The following PLOD1 variants were observed in gnomAD, a reference collection of about 807,000 sequenced individuals.
PLOD1 encodes the protein procollagen-lysine,2-oxoglutarate 5-dioxygenase 1.
PLOD1 carries 70 observed loss-of-function variants against 94.7 expected under a neutral mutation model. The observed-to-expected ratio is 0.74, with a 90% CI of 0.61 to 0.90. The LOEUF is 0.90. Among genes scored for constraint, PLOD1 ranks in the 40% least tolerant of loss-of-function variants. PLOD1 has a pLI of 0.00. For synonymous variants in PLOD1, 417 were observed against 400.2 expected (o/e 1.04, Z -0.50); for missense variants, 905 against 972.7 (o/e 0.93, Z 0.93).
At chr1:11,934,925 G>A in intron 1 of PLOD1, 70 bp downstream of exon 1, 1 of 1,499,282 alleles carries the variant, frequency 6.7e-7, no homozygotes, top group Non-Finnish European at 8.9e-7. Context: ...CTGCCTCCCT[G>A]GGAACGACCT....
At chr1:11,964,857 C>A in intron 13 of PLOD1, 72 bp downstream of exon 13, 1 of 1,523,872 alleles carries the variant, frequency 6.6e-7, no homozygotes. Flanking sequence ...CCAGCTCTGA[C>A]CCTCATGGTG....
At chr1:11,936,643 C>T (rs1645581113) in intron 1 of PLOD1, among the ~76,000 whole-genome samples, 1 of 152,002 alleles carries the variant, frequency 6.6e-6, no homozygotes, top group African/African-American at 2.4e-5. Context: ...GTGCGTCAGC[C>T]TCCCAAGTAG....
chr1:11,948,807 T>A (rs1645676027), intron 2 of PLOD1, among the ~76,000 whole-genome samples: 1 of 152,048 alleles, frequency 6.6e-6, no homozygotes, highest in African/African-American at 2.4e-5. Flanking sequence ...CTTGGTGTCA[T>A]CTGTGTGCAG....
chr1:11,944,498 T>C, intron 1 of PLOD1: 1 of 1,325,000 alleles, frequency 7.5e-7, no homozygotes, highest in South Asian at 1.2e-5. Flanking sequence ...CCATGAAATG[T>C]GACACTCTTC....
At chr1:11,937,153 C>G (rs1273380361) in intron 1 of PLOD1, among the ~76,000 whole-genome samples, 2 of 152,184 alleles carry the variant, frequency 1.3e-5, no homozygotes, top group Non-Finnish European at 2.9e-5. Flanking sequence ...CGGCCAGGAA[C>G]TGCCATTTCT....
Position 11,974,724 on chromosome 1 carries a change from C to T in PLOD1, c.2100C>T (p.His700=). 6.2e-7 allele frequency: 1 copy of T among 1,613,836 alleles called. No homozygotes were observed. The highest frequency in any genetic ancestry group is 2.2e-5 in the East Asian group (1 of 44,888). ...RAPRKGWTLM[H]PGRLTHYHEG... ...CAAGGAAGGGCTGGACCCTCATGCA[C>T]CCTGGACGACTCACGCATTACCATG... Residue 700 remains histidine, a synonymous_variant, in exon 19 of 19, where the codon CAC becomes CAT. Coordinates refer to ENST00000196061, the MANE Select transcript of PLOD1 (RefSeq NM_000302.4).
chr1:11,974,622 G>C (rs1317603725), intron 18 of PLOD1, 31 bp from the exon 19 acceptor site: 6 of 1,605,096 alleles, frequency 3.7e-6, no homozygotes, highest in Non-Finnish European at 5.1e-6. Context: ...GGGGCGGTGG[G>C]GAAAGGCCAC....
At chr1:11,951,893 T>C (rs1645705638) in intron 4 of PLOD1, among the ~76,000 whole-genome samples, 2 of 152,066 alleles carry the variant, frequency 1.3e-5, no homozygotes, top group Non-Finnish European at 2.9e-5. Context: ...CACTCCAGCC[T>C]GGGCGACAGA....
At chr1:11,954,208 A>T in intron 5 of PLOD1, 1 of 195,056 alleles carries the variant, frequency 5.1e-6, no homozygotes, top group South Asian at 7.3e-5. Flanking sequence ...GGTGGCTCAC[A>T]CCTGTCATCC....
chr1:11,934,928 A>C, intron 1 of PLOD1, 73 bp downstream of exon 1: 1 of 1,496,724 alleles, frequency 6.7e-7, no homozygotes, highest in South Asian at 1.3e-5. Context: ...CCTCCCTGGG[A>C]ACGACCTGAA....
chr1:11,971,395 C>T (rs1476383121), intron 17 of PLOD1: 2 of 196,802 alleles, frequency 1.0e-5, no homozygotes, highest in African/African-American at 4.7e-5. Context: ...CACACACCCC[C>T]TCCATCTAGT....
rs370781041 is a variant in PLOD1, at chr1:11,957,059, C to T, written c.741+45C>T. 7.3e-5 allele frequency: 93 copies of T among 1,277,982 alleles called. No individual in the cohort carries two copies. The African/African-American group carries it at 1.3e-3, about 17-fold the overall frequency. The allele number at this position is 1,277,982 out of a possible 1,614,324, so 79.2% of individuals were successfully genotyped here. ...TGGGGAGTGTGGGAGGGGGCCAGAG[C>T]CCTAATTTCATTCTCACTGTGACCC... On this transcript the variant is annotated intron_variant, in intron 7 of 18. Coordinates refer to ENST00000196061, the MANE Select transcript of PLOD1 (RefSeq NM_000302.4). This position sits in a 1 kb window ranked among gnomAD's most constrained non-coding sequence, Gnocchi z 4.1.
chr1:11,942,722 G>A (rs1645623358), intron 1 of PLOD1, among the ~76,000 whole-genome samples: 1 of 152,156 alleles, frequency 6.6e-6, no homozygotes, highest in Non-Finnish European at 1.5e-5. Flanking sequence ...GGACCAAGGG[G>A]ATGGATTGGA....
intron 1 of PLOD1, among the ~76,000 whole-genome samples, chr1:11,947,042 G>A (rs956511310): frequency 6.6e-6 from 1 of 152,102 alleles, no homozygotes; most frequent in Non-Finnish European, 1.5e-5. Context: ...GCCAAGGCGT[G>A]TGGATCATTT....
intron 6 of PLOD1, among the ~76,000 whole-genome samples, chr1:11,955,569 G>A (rs1161818408): frequency 6.6e-6 from 1 of 152,072 alleles, no homozygotes; most frequent in Non-Finnish European, 1.5e-5. Context: ...TGGTTTCTGG[G>A]GGTTAAGAAG....
chr1:11,974,640 T>C lies in PLOD1; in HGVS notation c.2029-13T>C. ...GCGGTGGGGAAAGGCCACTGATGCT[T>C]TCTGTCTCCCAGGGCGGGGGCTGTC... On this transcript the variant is annotated splice_polypyrimidine_tract_variant and intron_variant, in intron 18 of 18. Transcript: ENST00000196061. 6.2e-7 allele frequency: 1 copy of C among 1,611,972 alleles called. No individual in the cohort carries two copies. Among genetic ancestry groups the C allele is most frequent in the Non-Finnish European group, 8.5e-7 (1 of 1,178,518 alleles).
In PLOD1 at chr1:11,956,993, C is replaced by T. The variant is rs770749842; in HGVS notation, c.720C>T (p.Ile240=). 6.2e-7 allele frequency: 1 copy of T among 1,612,950 alleles called. No homozygotes were observed. The highest frequency in any genetic ancestry group is 8.5e-7 in the Non-Finnish European group (1 of 1,179,004). Residue 240 remains isoleucine (I), a synonymous_variant, in exon 7 of 19, where the codon ATC becomes ATT. Coordinates refer to ENST00000196061, the MANE Select transcript of PLOD1 (RefSeq NM_000302.4). ...NLAYDTLPVL[I]HGNGPTKLQL... ...CCTATGACACCCTCCCGGTCCTGAT[C>T]CATGGCAACGGGCCAACCAAGGTAG...
intron 1 of PLOD1, among the ~76,000 whole-genome samples, chr1:11,936,951 G>T (rs6690517): frequency 0.015 from 2,231 of 151,596 alleles, 46 homozygotes; most frequent in African/African-American, 0.051. Flanking sequence ...AGGTTCAAGC[G>T]ATTCTCCTGC....
chr1:11,951,430 G>T (rs528018250), intron 4 of PLOD1, among the ~76,000 whole-genome samples: 2 of 151,810 alleles, frequency 1.3e-5, no homozygotes, highest in Non-Finnish European at 2.9e-5. Context: ...GCCGGGCGTG[G>T]TGGTACACGC....
Sources: allele counts gnomAD v4.1 joint callset (sites outside exome capture counted in the v4.1 genomes callset), GRCh38; gene constraint gnomAD v4.1.1; non-coding constraint Gnocchi (gnomAD v3.1); transcripts MANE v1.5; gene names NCBI Gene and HGNC (gene_info 2026-07-23, HGNC 2026-07-21).